THADA: variants seen among roughly 807,000 people sequenced by gnomAD.
THADA encodes the protein tRNA (32-2'-O)-methyltransferase regulator THADA.
In THADA, 213 loss-of-function variants were observed where a neutral mutation model predicts 219.8. The ratio of observed to expected loss-of-function variants is 0.97; its 90% CI spans 0.87 to 1.09. The LOEUF (loss-of-function observed/expected upper bound fraction) is 1.09. THADA is among the 50% of genes least tolerant of loss of function. The probability of loss-of-function intolerance (pLI) is 0.00; values close to 1 mark genes in which losing one functional copy is unlikely to be tolerated. For synonymous variants in THADA, 1,018 were observed against 828.9 expected, an observed-to-expected ratio of 1.23 and a Z score of -3.92; for missense variants, 2,956 against 2,311.3, an observed-to-expected ratio of 1.28 and a Z score of -5.72.
chr2:43,408,364 GC>G (rs1448345220), intron 28 of THADA: 1 of 152,184 alleles, frequency 6.6e-6, no homozygotes, highest in African/African-American at 2.4e-5. Flanking sequence ...AGATTAGGTT[GC>G]CTCTGAGCAA....
At chr2:43,547,347 T>C (rs1461427467) in intron 20 of THADA, among the ~76,000 whole-genome samples, 2 of 152,222 alleles carry the variant, frequency 1.3e-5, no homozygotes, top group Admixed American at 1.3e-4. Context: ...TTATCTGTCT[T>C]GGAGTTGCTC....
intron 37 of THADA, 28 bp from the exon 38 acceptor site, chr2:43,231,371 A>C: frequency 6.1e-6 from 9 of 1,487,278 alleles, no homozygotes; most frequent in South Asian, 1.4e-5. Context: ...GCCGAAAGTC[A>C]GTCTTACAGG....
intron 30 of THADA, among the ~76,000 whole-genome samples, chr2:43,329,063 G>A (rs539593332): frequency 6.6e-6 from 1 of 152,310 alleles, no homozygotes; most frequent in South Asian, 2.1e-4. Context: ...TGGGGAAACT[G>A]TTTTAGAGGG....
At chr2:43,538,491 G>A (rs1694893283) in intron 21 of THADA, 2 of 152,310 alleles carry the variant, frequency 1.3e-5, no homozygotes, top group Non-Finnish European at 1.5e-5. Context: ...CACAGGAAGT[G>A]CTCTAGGGAA....
chr2:43,399,623 G>A (rs1056625212), intron 28 of THADA, among the ~76,000 whole-genome samples: 1 of 152,176 alleles, frequency 6.6e-6, no homozygotes, highest in South Asian at 2.1e-4. Flanking sequence ...AGGTCCAGCA[G>A]CACATAGTTT....
intron 34 of THADA, among the ~76,000 whole-genome samples, chr2:43,287,691 C>G (rs1208318776): frequency 3.9e-5 from 6 of 152,154 alleles, no homozygotes; most frequent in African/African-American, 1.2e-4. Flanking sequence ...GACTGTCCAG[C>G]AAATAACAAC....
At chr2:43,276,983 A>G (rs1672793838) in intron 36 of THADA, among the ~76,000 whole-genome samples, 1 of 152,108 alleles carries the variant, frequency 6.6e-6, no homozygotes, top group South Asian at 2.1e-4. Context: ...ACCCCCAACC[A>G]GTATTCTCAT....
chr2:43,415,122 G>A (rs916059461), intron 28 of THADA, among the ~76,000 whole-genome samples: 10 of 152,154 alleles, frequency 6.6e-5, no homozygotes, highest in African/African-American at 2.4e-4. Context: ...CCAAAGAAAC[G>A]TAAACTAATT....
intron 34 of THADA, among the ~76,000 whole-genome samples, chr2:43,289,020 G>A (rs1226425490): frequency 2.6e-5 from 4 of 152,034 alleles, no homozygotes; most frequent in African/African-American, 9.7e-5. Context: ...TGCCAATTCT[G>A]GACATTTCCT....
chr2:43,487,283 A>G (rs533773263), intron 25 of THADA, among the ~76,000 whole-genome samples: 83 of 152,218 alleles, frequency 5.5e-4, no homozygotes, highest in Admixed American at 1.4e-3. Flanking sequence ...TCACACAAAA[A>G]CACAAAAAGA....
intron 30 of THADA, among the ~76,000 whole-genome samples, chr2:43,333,723 T>C (rs1396253392): frequency 1.3e-5 from 2 of 152,198 alleles, no homozygotes; most frequent in South Asian, 4.1e-4. Flanking sequence ...CTGAATATTT[T>C]AACAATCATC....
At chr2:43,543,856 G>A (rs1216605680) in intron 20 of THADA, among the ~76,000 whole-genome samples, 1 of 151,554 alleles carries the variant, frequency 6.6e-6, no homozygotes, top group East Asian at 1.9e-4. Context: ...CTTTTGCTGT[G>A]CAGAAGCTCT....
In THADA at chr2:43,345,109, G is replaced by C. The variant is rs114878048; in HGVS notation, c.4228-872C>G. ...GATAAACACACTAAGAACTCTGAAA[G>C]TCTATTTTAATAACATCTGTTTTCT... On this transcript the variant is annotated intron_variant, in intron 29 of 37. Transcript: ENST00000405975. Among the ~76,000 whole-genome samples, 208 of 152,318 alleles carry C rather than the reference G, an allele frequency of 1.4e-3. 1 individual carries two copies. Among genetic ancestry groups the C allele is most frequent in the African/African-American group, 4.9e-3 (202 of 41,566 alleles).
intron 26 of THADA, among the ~76,000 whole-genome samples, chr2:43,476,900 T>A (rs1443695831): frequency 1.3e-5 from 2 of 152,176 alleles, no homozygotes; most frequent in East Asian, 3.8e-4. Context: ...GAATATAAAG[T>A]TCATTCTCTC....
chr2:43,457,178 A>ACACG (rs1683113957), intron 26 of THADA, among the ~76,000 whole-genome samples: 1 of 137,258 alleles, frequency 7.3e-6, no homozygotes, highest in Admixed American at 7.0e-5. Flanking sequence ...ACACACACAC[A>ACACG]CACACATGCA....
chr2:43,397,633 G>C (rs1674240094), intron 29 of THADA, among the ~76,000 whole-genome samples: 1 of 151,896 alleles, frequency 6.6e-6, no homozygotes, highest in Non-Finnish European at 1.5e-5. Context: ...ACTCGGAATA[G>C]GTAGTAGCCC....
In THADA at chr2:43,582,902, G is replaced by C. The variant is rs190224519; in HGVS notation, c.534-974C>G. Among the ~76,000 whole-genome samples, 92 of 152,086 alleles carry C rather than the reference G, an allele frequency of 6.0e-4. No homozygotes were observed. In the East Asian group the frequency reaches 0.015, roughly 24 times the overall value. On this transcript the variant is annotated intron_variant, in intron 7 of 37. Coordinates refer to ENST00000405975, the MANE Select transcript of THADA (RefSeq NM_022065.5). The stretch of plus-strand genomic sequence containing the variant: ...ACTTCTAAAATGCCAGGCTCTCGCA[G>C]ATTTTCCCCTACTTCACCAGCACTC...
In THADA at chr2:43,546,750, G is replaced by C. The variant is rs559106446; in HGVS notation, c.3106+2460C>G. 1.4e-4 allele frequency among the ~76,000 whole-genome samples: 21 copies of C among 151,800 alleles called. No homozygotes were observed. In the East Asian group the frequency reaches 1.7e-3, roughly 13 times the overall value. On this transcript the variant is annotated intron_variant, in intron 20 of 37. Coordinates refer to ENST00000405975, the MANE Select transcript of THADA (RefSeq NM_022065.5). ...AGATCTTCCTCCATCCTTTTATTTT[G>C]AGCCTATGTGTGTCTCTGCACATGA...
intron 36 of THADA, chr2:43,233,190 G>C (rs1026000759): frequency 2.3e-5 from 7 of 300,814 alleles, no homozygotes; most frequent in Non-Finnish European, 3.8e-5. Context: ...GTCACCAGAA[G>C]GATCAGGAAG....
Sources: allele counts gnomAD v4.1 joint callset (sites outside exome capture counted in the v4.1 genomes callset), GRCh38; gene constraint gnomAD v4.1.1; transcripts MANE v1.5; gene names NCBI Gene and HGNC (gene_info 2026-07-23, HGNC 2026-07-21).